Variants in NPHP1 observed in about 807,000 individuals in gnomAD.
NPHP1 encodes the protein nephrocystin 1.
A neutral mutation model predicts 90.4 loss-of-function variants in NPHP1; 70 were observed. That is an observed-to-expected ratio of 0.77 (90% CI 0.64 to 0.95). The LOEUF is 0.95. NPHP1 is among the 40% of genes least tolerant of loss of function. The pLI is 0.00. For missense variants in NPHP1, 764 were observed against 795.9 expected, an observed-to-expected ratio of 0.96 and a Z score of 0.48; for synonymous variants, 256 against 271.7, an observed-to-expected ratio of 0.94 and a Z score of 0.57.
At position 110,139,262 on chromosome 2, in the gene NPHP1, T is replaced by C. The variant is rs527639344; in HGVS notation, c.1529+4280A>G. Reference sequence around the variant, plus strand: ...CCTACTTCTCCAGATCAGGGTTTCTTGATATTTAGAACTCATGCACTGAAA... The same window carrying C: ...CCTACTTCTCCAGATCAGGGTTTCTCGATATTTAGAACTCATGCACTGAAA... On this transcript the variant is annotated intron_variant, in intron 16 of 19. Transcript: ENST00000445609. Among the ~76,000 whole-genome samples the C allele has an allele frequency of 3.7e-4, 57 of 152,008 alleles. 1 individual carries two copies. The highest frequency in any genetic ancestry group is 1.4e-3 in the African/African-American group (56 of 41,464).
At chr2:110,195,112 C>G (rs1407623918) in intron 2 of NPHP1, among the ~76,000 whole-genome samples, 1 of 150,338 alleles carries the variant, frequency 6.7e-6, no homozygotes, top group Non-Finnish European at 1.5e-5. Flanking sequence ...CAGGGATGCC[C>G]TCTCTCACCA....
At chr2:110,138,424 C>T (rs1243224373) in intron 16 of NPHP1, among the ~76,000 whole-genome samples, 2 of 152,128 alleles carry the variant, frequency 1.3e-5, no homozygotes, top group African/African-American at 4.8e-5. Flanking sequence ...GCACAGTTAT[C>T]TTGATATACA....
intron 11 of NPHP1, among the ~76,000 whole-genome samples, chr2:110,151,053 C>T (rs1459786986): frequency 6.6e-6 from 1 of 150,684 alleles, no homozygotes; most frequent in Non-Finnish European, 1.5e-5. Flanking sequence ...GTAATTCCAG[C>T]TACTCAGGAG....
At chr2:110,134,520 A>C (rs2104447008) in intron 16 of NPHP1, among the ~76,000 whole-genome samples, 1 of 151,600 alleles carries the variant, frequency 6.6e-6, no homozygotes, top group African/African-American at 2.4e-5. Flanking sequence ...AAAAGCCAAC[A>C]ATACTACAAG....
chr2:110,172,449 T>C (rs760370767), intron 4 of NPHP1, among the ~76,000 whole-genome samples: 3 of 152,134 alleles, frequency 2.0e-5, no homozygotes, highest in African/African-American at 7.2e-5. Context: ...GTTTTAGTAA[T>C]TGATTTTCAA....
rs751843842 is a variant in NPHP1, at chr2:110,124,102, T to G, written c.1762-39A>C. 1.6e-5 allele frequency: 26 copies of G among 1,608,664 alleles called. 1 individual carries two copies. Among genetic ancestry groups the G allele is most frequent in the Non-Finnish European group, 2.2e-5 (26 of 1,175,184 alleles). On this transcript the variant is annotated intron_variant, in intron 19 of 19. Transcript: ENST00000445609. ...ACCCCCACAAATAACATTGTTATTT[T>G]TAAAGTGTTAAATTCTGTGAACTCT...
intron 16 of NPHP1, among the ~76,000 whole-genome samples, chr2:110,141,754 C>T (rs1361125851): frequency 1.3e-5 from 2 of 151,750 alleles, no homozygotes; most frequent in African/African-American, 2.4e-5. Flanking sequence ...GGGCGGATCA[C>T]GAGGTCAGGA....
chr2:110,204,819 G>C lies in NPHP1; in HGVS notation c.69+81C>G. On this transcript the variant is annotated intron_variant, in intron 1 of 19. Transcript: ENST00000445609. ...GGGGCAAGCTCCCAGGATTAGGTGG[G>C]GTCACGGTGGGAAGGCGCAGTGCGC... 5 of 1,425,330 alleles carry C rather than the reference G, an allele frequency of 3.5e-6. No individual in the cohort carries two copies. The South Asian group carries it at 5.7e-5, about 16-fold the overall frequency. The allele number at this position is 1,425,330 out of a possible 1,614,324, so 88.3% of individuals were successfully genotyped here.
chr2:110,127,915 G>A (rs766322029), intron 18 of NPHP1: 3 of 152,078 alleles, frequency 2.0e-5, no homozygotes, highest in Non-Finnish European at 2.9e-5. Context: ...AATCTTTGTT[G>A]AAGAATCAGT....
At chr2:110,158,715 T>G (rs920564493) in intron 11 of NPHP1, among the ~76,000 whole-genome samples, 4 of 152,016 alleles carry the variant, frequency 2.6e-5, no homozygotes, top group African/African-American at 9.7e-5. Flanking sequence ...CCTGATGACT[T>G]CTTACATGTT....
chr2:110,190,583 C>T (rs575607522), intron 2 of NPHP1, among the ~76,000 whole-genome samples: 15 of 152,326 alleles, frequency 9.8e-5, no homozygotes, highest in African/African-American at 3.6e-4. Flanking sequence ...TCCCTCCACA[C>T]CTCCTCGCAA....
intron 11 of NPHP1, among the ~76,000 whole-genome samples, chr2:110,152,364 T>C (rs908303735): frequency 6.6e-6 from 1 of 151,486 alleles, no homozygotes; most frequent in Non-Finnish European, 1.5e-5. Context: ...GCTCCACATA[T>C]GAAGCAATGA....
Position 110,131,700 on chromosome 2 carries a change from T to C in NPHP1, c.1621A>G (p.Arg541Gly). The C allele has an allele frequency of 1.2e-6, 2 of 1,611,902 alleles. No homozygotes were observed. The highest frequency in any genetic ancestry group is 2.2e-5 in the East Asian group (1 of 44,844). The change falls in exon 17 of 20, where the codon AGG (arginine) becomes GGG (glycine). Residue 541 changes from arginine (R) to glycine (G), a missense_variant. Transcript: ENST00000445609. ...TTACCAGTACTTTGCAAGCTCATCC[T>C]GTCTTTCAGGAGCACATCTCCAAGA... The part of the protein sequence containing the change: ...QILGDVLLKD[R>G]MSLQSTDLIS...
intron 18 of NPHP1, 166 bp from the exon 19 acceptor site, chr2:110,125,847 C>A: frequency 1.5e-6 from 1 of 667,570 alleles, no homozygotes; most frequent in Non-Finnish European, 2.7e-6. Flanking sequence ...TGCAAATGAC[C>A]CAGCACCAGA....
At chr2:110,145,643 C>G (rs529381596) in intron 14 of NPHP1, among the ~76,000 whole-genome samples, 1 of 152,188 alleles carries the variant, frequency 6.6e-6, no homozygotes, top group Non-Finnish European at 1.5e-5. Context: ...TCAAAATATT[C>G]TGCAACTTTT....
chr2:110,156,943 A>T (rs978364904), intron 11 of NPHP1, among the ~76,000 whole-genome samples: 1 of 151,856 alleles, frequency 6.6e-6, no homozygotes, highest in African/African-American at 2.4e-5. Flanking sequence ...CGTCCAGCTA[A>T]TTTTTGTATT....
intron 1 of NPHP1, chr2:110,202,372 C>A (rs549836939): frequency 4.5e-6 from 2 of 443,412 alleles, no homozygotes; most frequent in African/African-American, 2.0e-5. Context: ...AATTCACACA[C>A]CTAGTGATAG....
intron 11 of NPHP1, among the ~76,000 whole-genome samples, chr2:110,154,853 C>T (rs1025493377): frequency 2.0e-5 from 3 of 152,026 alleles, no homozygotes; most frequent in East Asian, 1.9e-4. Flanking sequence ...CCTGACAATG[C>T]GATAGAAAAG....
At chr2:110,124,971 G>A in intron 19 of NPHP1, 1 of 410,114 alleles carries the variant, frequency 2.4e-6, no homozygotes, top group Non-Finnish European at 4.3e-6. Context: ...TGGACTGTGG[G>A]CCAAATGTGG....
Sources: gnomAD v4.1 joint callset for allele counts (sites outside exome capture counted in the v4.1 genomes callset) on GRCh38, gnomAD v4.1.1 for gene constraint, MANE v1.5 for transcripts, NCBI Gene and HGNC (gene_info 2026-07-23, HGNC 2026-07-21) for gene names.